C8B: variants seen among roughly 807,000 people sequenced by gnomAD.
C8B encodes the protein complement C8 beta chain.
C8B carries 67 observed loss-of-function variants against 64.6 expected under a neutral mutation model. That is an observed-to-expected ratio of 1.04 (90% CI 0.85 to 1.27). The LOEUF is 1.27. C8B is among the 50% of genes most tolerant of loss of function. The pLI is 0.00. For missense variants in C8B, 790 were observed against 725.2 expected (o/e 1.09, Z -1.03); for synonymous variants, 284 against 257.7 (o/e 1.10, Z -0.98).
At chr1:56,956,346 G>A (rs1645103544) in intron 3 of C8B, among the ~76,000 whole-genome samples, 1 of 152,122 alleles carries the variant, frequency 6.6e-6, no homozygotes, top group Non-Finnish European at 1.5e-5. Context: ...CTAATTTTCA[G>A]TTGAGGGAGC....
intron 2 of C8B, among the ~76,000 whole-genome samples, chr1:56,957,751 G>A (rs1645123104): frequency 1.3e-5 from 2 of 152,090 alleles, no homozygotes; most frequent in Non-Finnish European, 2.9e-5. Context: ...TGTTCTCAAG[G>A]AGGTCACAGA....
In C8B at chr1:56,961,933, G is replaced by A. The variant is rs146483365; in HGVS notation, c.93-1757C>T. On this transcript the variant is annotated intron_variant, in intron 1 of 11. Coordinates refer to ENST00000371237, the MANE Select transcript of C8B (RefSeq NM_000066.4). ...ACACCAGTGGGGGGCTTCAGAGTGT[G>A]TTCTTATCTACTAATTTGCCCAGGT... Among the ~76,000 whole-genome samples the A allele has an allele frequency of 3.3e-3, 498 of 152,304 alleles. 4 individuals are homozygous for A. The highest frequency in any genetic ancestry group is 4.8e-3 in the Non-Finnish European group (324 of 68,036).
At chr1:56,944,249 T>C (rs1644909680) in intron 7 of C8B, among the ~76,000 whole-genome samples, 2 of 151,862 alleles carry the variant, frequency 1.3e-5, no homozygotes, top group Non-Finnish European at 2.9e-5. Context: ...AGAAAATGCA[T>C]ATAAAAAGTA....
chr1:56,955,718 C>T lies in C8B; in HGVS notation c.392-891G>A, dbSNP rs1299808983. Reference sequence around the variant, plus strand: ...AGTCCACGGATACACTGTAAAAAGTCTCTCAGATTTATTGGATAGAATTTT... The same window carrying T: ...AGTCCACGGATACACTGTAAAAAGTTTCTCAGATTTATTGGATAGAATTTT... On this transcript the variant is annotated intron_variant, in intron 3 of 11. Coordinates refer to ENST00000371237, the MANE Select transcript of C8B (RefSeq NM_000066.4). Among the ~76,000 whole-genome samples the T allele has an allele frequency of 2.0e-5, 3 of 152,326 alleles. No homozygotes were observed. The East Asian group carries it at 5.8e-4, about 29-fold the overall frequency.
chr1:56,940,022 G>A (rs1398039566), intron 9 of C8B, among the ~76,000 whole-genome samples: 2 of 152,042 alleles, frequency 1.3e-5, no homozygotes, highest in Non-Finnish European at 2.9e-5. Context: ...TTACGTGTGT[G>A]TGTGTGTGTG....
At chr1:56,965,394 A>AGTGTGT (rs1408495707) in intron 1 of C8B, among the ~76,000 whole-genome samples, 2 of 87,578 alleles carry the variant, frequency 2.3e-5, no homozygotes, top group African/African-American at 8.3e-5. Context: ...AGAGAGAGAG[A>AGTGTGT]GAGAGTGTGT....
At chr1:56,959,885 G>A (rs1048409022) in intron 2 of C8B, 135 bp downstream of exon 2, 82 of 967,368 alleles carry the variant, frequency 8.5e-5, no homozygotes, top group Admixed American at 7.1e-4. Flanking sequence ...CAGAAGGAAA[G>A]GATGCATTTA....
chr1:56,965,823 A>T (rs780357169), intron 1 of C8B, 34 bp downstream of exon 1: 21 of 1,610,542 alleles, frequency 1.3e-5, no homozygotes, highest in Non-Finnish European at 1.8e-5. Context: ...CTGTCATATT[A>T]TTGATCAGGG....
chr1:56,956,970 G>GAT, intron 2 of C8B, 60 bp from the exon 3 acceptor site: 2 of 1,585,022 alleles, frequency 1.3e-6, no homozygotes, highest in Middle Eastern at 3.8e-4. Context: ...GGAGCTGAGG[G>GAT]ATACTCTGTG....
At chr1:56,960,230 C>T (rs1046363133) in intron 1 of C8B, 54 bp from the exon 2 acceptor site, 28 of 1,478,854 alleles carry the variant, frequency 1.9e-5, no homozygotes, top group Non-Finnish European at 2.4e-5. Context: ...ATTAAGTATA[C>T]ATCCAACCAT....
chr1:56,950,699 A>G (rs1460664415), intron 5 of C8B, among the ~76,000 whole-genome samples: 2 of 152,202 alleles, frequency 1.3e-5, no homozygotes, highest in Non-Finnish European at 2.9e-5. Flanking sequence ...ATGACTTTGG[A>G]CAATTGCCTT....
At chr1:56,938,946 G>A (rs192417002) in intron 9 of C8B, among the ~76,000 whole-genome samples, 99 of 152,132 alleles carry the variant, frequency 6.5e-4, no homozygotes, top group African/African-American at 2.2e-3. Context: ...TCCAACTCAG[G>A]GTGGGAAGGT....
intron 5 of C8B, among the ~76,000 whole-genome samples, chr1:56,951,623 A>G (rs1645021825): frequency 6.6e-6 from 1 of 152,228 alleles, no homozygotes; most frequent in African/African-American, 2.4e-5. Flanking sequence ...CTCACCATTA[A>G]GCCAGGTGCT....
intron 9 of C8B, among the ~76,000 whole-genome samples, chr1:56,936,115 C>A (rs1258191777): frequency 6.6e-6 from 1 of 152,180 alleles, no homozygotes; most frequent in African/African-American, 2.4e-5. Flanking sequence ...CTAAGACATG[C>A]CTTTACACAT....
intron 9 of C8B, among the ~76,000 whole-genome samples, chr1:56,935,822 T>C (rs761233318): frequency 2.0e-5 from 3 of 152,192 alleles, no homozygotes; most frequent in Non-Finnish European, 1.5e-5. Context: ...CCTTTCAGTG[T>C]ATATTTTTGG....
chr1:56,931,916 G>C (rs997748388), intron 10 of C8B, 38 bp from the exon 11 acceptor site: 19 of 1,504,968 alleles, frequency 1.3e-5, no homozygotes, highest in Non-Finnish European at 1.7e-5. Flanking sequence ...AATCATGCCA[G>C]GTGGAGCAAA....
intron 4 of C8B, among the ~76,000 whole-genome samples, chr1:56,953,280 A>G (rs1645052454): frequency 6.6e-6 from 1 of 152,184 alleles, no homozygotes; most frequent in African/African-American, 2.4e-5. Flanking sequence ...GTTCCTCACC[A>G]GAATTGTCTG....
intron 9 of C8B, 149 bp from the exon 10 acceptor site, chr1:56,933,637 T>A: frequency 1.4e-6 from 1 of 730,086 alleles, no homozygotes; most frequent in Admixed American, 2.0e-5. Context: ...ATCTTCTCTC[T>A]GCTTCCCCTT....
chr1:56,945,919 A>G lies in C8B; in HGVS notation c.1007T>C (p.Leu336Pro). Residue 336 changes from leucine (L) to proline (P), a missense_variant, in exon 7 of 12, where the codon CTC becomes CCC. Transcript: ENST00000371237. ...GTAGTGGGTCCCAAAATCACGGAAG[A>G]GATCTCTGTATTCCCCGTAGCTGTA... ...LEYSYGEYRDLFRDFGTHYIT... is the reference protein window; with the variant it reads ...LEYSYGEYRDPFRDFGTHYIT... 1 of 1,614,102 alleles carries G rather than the reference A, an allele frequency of 6.2e-7. No individual in the cohort carries two copies. The highest frequency in any genetic ancestry group is 8.5e-7 in the Non-Finnish European group (1 of 1,180,004).
Sources: gnomAD v4.1 joint callset for allele counts (sites outside exome capture counted in the v4.1 genomes callset) on GRCh38, gnomAD v4.1.1 for gene constraint, MANE v1.5 for transcripts, NCBI Gene and HGNC (gene_info 2026-07-23, HGNC 2026-07-21) for gene names.